The following TRAF3 variants were observed in gnomAD, a reference collection of about 807,000 sequenced individuals.
TRAF3 encodes the protein TNF receptor-associated factor 3.
TRAF3 carries 13 observed loss-of-function variants against 62.3 expected under a neutral mutation model. The ratio of observed to expected loss-of-function variants is 0.21; its 90% CI spans 0.14 to 0.33. The LOEUF (loss-of-function observed/expected upper bound fraction) is 0.33. Among genes scored for constraint, TRAF3 ranks in the 10% least tolerant of loss-of-function variants. The pLI, the probability that TRAF3 is intolerant of heterozygous loss-of-function variation, is 1.00. For synonymous variants in TRAF3, 269 were observed against 283.4 expected, an observed-to-expected ratio of 0.95 and a Z score of 0.51; for missense variants, 440 against 741.8, an observed-to-expected ratio of 0.59 and a Z score of 4.73.
At chr14:102,793,290 A>G (rs1421099239) in intron 1 of TRAF3, among the ~76,000 whole-genome samples, 1 of 151,942 alleles carries the variant, frequency 6.6e-6, no homozygotes, top group East Asian at 1.9e-4. Context: ...AGCTGGTACT[A>G]CAGGCACTTG....
intron 1 of TRAF3, among the ~76,000 whole-genome samples, chr14:102,778,093 G>T (rs1363374602): frequency 1.3e-5 from 2 of 150,398 alleles, no homozygotes; most frequent in South Asian, 2.1e-4. Context: ...GGCCGAGCGC[G>T]CTGCCCGGGC....
chr14:102,810,910 A>G (rs1422410238), intron 1 of TRAF3, among the ~76,000 whole-genome samples: 1 of 152,232 alleles, frequency 6.6e-6, no homozygotes, highest in African/African-American at 2.4e-5. Flanking sequence ...GAAATAAGAC[A>G]TCTCTGAGGG....
intron 1 of TRAF3, among the ~76,000 whole-genome samples, chr14:102,815,038 GGA>G (rs1899430267): frequency 6.6e-6 from 1 of 152,090 alleles, no homozygotes; most frequent in Admixed American, 6.6e-5. Flanking sequence ...AGAGCTCAAG[GGA>G]GCCTACTGCC....
At chr14:102,859,788 T>C (rs1196243336) in intron 2 of TRAF3, among the ~76,000 whole-genome samples, 1 of 152,134 alleles carries the variant, frequency 6.6e-6, no homozygotes. Flanking sequence ...AATGTAGTAG[T>C]TGTAAGGTTT....
chr14:102,836,413 G>A (rs1886009732), intron 2 of TRAF3, among the ~76,000 whole-genome samples: 1 of 152,158 alleles, frequency 6.6e-6, no homozygotes, highest in South Asian at 2.1e-4. Context: ...ATTAATTTTT[G>A]GAGAAACTAA....
intron 1 of TRAF3, among the ~76,000 whole-genome samples, chr14:102,821,810 G>A (rs942677089): frequency 1.6e-4 from 25 of 152,172 alleles, no homozygotes; most frequent in African/African-American, 5.1e-4. Flanking sequence ...TTGGGAGCCC[G>A]AGGCAGGCAG....
At chr14:102,814,942 C>G (rs1899424941) in intron 1 of TRAF3, among the ~76,000 whole-genome samples, 1 of 151,984 alleles carries the variant, frequency 6.6e-6, no homozygotes, top group Admixed American at 6.6e-5. Context: ...CTTTTCTTTT[C>G]TTTCTTTTTC....
chr14:102,887,898 A>G (rs1889491620), intron 7 of TRAF3, among the ~76,000 whole-genome samples: 1 of 151,982 alleles, frequency 6.6e-6, no homozygotes, highest in Non-Finnish European at 1.5e-5. Context: ...CCCGGCCAAT[A>G]ATTTCTTATT....
At chr14:102,902,070 G>A (rs1490671893) in intron 10 of TRAF3, among the ~76,000 whole-genome samples, 1 of 152,246 alleles carries the variant, frequency 6.6e-6, no homozygotes, top group Non-Finnish European at 1.5e-5. Flanking sequence ...CCACCAGGGC[G>A]GAGTACAGCT....
At chr14:102,817,828 T>TAA (rs995569085) in intron 1 of TRAF3, among the ~76,000 whole-genome samples, 1 of 152,242 alleles carries the variant, frequency 6.6e-6, no homozygotes. Flanking sequence ...AGTCTATTGT[T>TAA]ACGTTGTTAA....
intron 2 of TRAF3, among the ~76,000 whole-genome samples, chr14:102,855,921 G>A (rs193289585): frequency 2.6e-5 from 4 of 151,592 alleles, no homozygotes; most frequent in Non-Finnish European, 4.4e-5. Flanking sequence ...ATGACACCCC[G>A]TCTCTACAGA....
chr14:102,847,236 A>T (rs896301482), intron 2 of TRAF3, among the ~76,000 whole-genome samples: 2 of 152,156 alleles, frequency 1.3e-5, no homozygotes, highest in Admixed American at 1.3e-4. Flanking sequence ...AGTGGTGTGC[A>T]TGATCTCAGC....
intron 2 of TRAF3, among the ~76,000 whole-genome samples, chr14:102,856,305 G>T (rs1199664267): frequency 6.6e-6 from 1 of 152,102 alleles, no homozygotes; most frequent in Non-Finnish European, 1.5e-5. Flanking sequence ...TGCTAAACAA[G>T]GGGTGGATTA....
chr14:102,831,804 A>G (rs1342494930), intron 2 of TRAF3, among the ~76,000 whole-genome samples: 1 of 152,060 alleles, frequency 6.6e-6, no homozygotes, highest in African/African-American at 2.4e-5. Flanking sequence ...CAGTTTTATC[A>G]TTCATCATCA....
intron 1 of TRAF3, among the ~76,000 whole-genome samples, chr14:102,800,200 G>A (rs1043468303): frequency 2.0e-5 from 3 of 152,200 alleles, no homozygotes; most frequent in African/African-American, 4.8e-5. Context: ...GAACTCCTGG[G>A]AGTGCTGATG....
At chr14:102,786,353 A>G (rs1040354433) in intron 1 of TRAF3, among the ~76,000 whole-genome samples, 1 of 152,216 alleles carries the variant, frequency 6.6e-6, no homozygotes, top group Non-Finnish European at 1.5e-5. Context: ...GATAAATTTT[A>G]TGTGTAATTT....
chr14:102,872,691 T>TCTC (rs1186007413), intron 4 of TRAF3, among the ~76,000 whole-genome samples: 1 of 117,588 alleles, frequency 8.5e-6, no homozygotes, highest in Non-Finnish European at 1.6e-5. Context: ...CCTTTCTTTC[T>TCTC]TCTTTTTCTT....
chr14:102,820,602 ATATATATATATATTTTTTTTTTTTTTTT>A (rs1899888466), intron 1 of TRAF3, among the ~76,000 whole-genome samples: 1 of 13,058 alleles, frequency 7.7e-5, no homozygotes, highest in African/African-American at 8.0e-4. Flanking sequence ...ATATATATAT[ATATATATATATATTTTTTTTTTTTTTTT>A]TTTTTTTTTT....
At chr14:102,862,330 T>TG (rs1887724621) in intron 2 of TRAF3, among the ~76,000 whole-genome samples, 1 of 150,220 alleles carries the variant, frequency 6.7e-6, no homozygotes, top group African/African-American at 2.5e-5. Flanking sequence ...TCCCAGGAGT[T>TG]GGAGACTGCC....
Sources: gnomAD v4.1 joint callset for allele counts (sites outside exome capture counted in the v4.1 genomes callset) on GRCh38, gnomAD v4.1.1 for gene constraint, MANE v1.5 for transcripts, NCBI Gene and HGNC (gene_info 2026-07-23, HGNC 2026-07-21) for gene names.